The following PHGDH variants were observed in gnomAD, a reference collection of about 807,000 sequenced individuals.
The protein encoded by PHGDH is D-3-phosphoglycerate dehydrogenase.
A neutral mutation model predicts 52.6 loss-of-function variants in PHGDH; 50 were observed. The observed-to-expected ratio is 0.95, with a 90% CI of 0.76 to 1.20. The LOEUF (loss-of-function observed/expected upper bound fraction) is 1.20, where lower values mean the gene tolerates loss of function less well. Among genes scored for constraint, PHGDH ranks in the 50% most tolerant of loss-of-function variants. The probability of loss-of-function intolerance (pLI) is 0.00; values close to 1 mark genes in which losing one functional copy is unlikely to be tolerated. For missense variants in PHGDH, 630 were observed against 684.6 expected, an observed-to-expected ratio of 0.92 and a Z score of 0.89; for synonymous variants, 271 against 280.5, an observed-to-expected ratio of 0.97 and a Z score of 0.34.
intron 7 of PHGDH, among the ~76,000 whole-genome samples, chr1:119,735,657 C>G (rs1651899686): frequency 6.6e-6 from 1 of 152,220 alleles, no homozygotes; most frequent in Admixed American, 6.5e-5. Context: ...TGGTTTTCTG[C>G]AAAACTCGGG....
At chr1:119,722,080 G>A (rs1349024600) in intron 2 of PHGDH, among the ~76,000 whole-genome samples, 1 of 152,152 alleles carries the variant, frequency 6.6e-6, no homozygotes, top group Non-Finnish European at 1.5e-5. Flanking sequence ...CCCCCTGTAG[G>A]GTAGAGGTTA....
Position 119,744,191 on chromosome 1 carries a change from C to G in PHGDH, c.*151C>G, listed in dbSNP as rs112584109. ...TCTGACCCTGTAGTACAGCAATAAC[C>G]GTCTAATAAAGAGCCTACCCCCAAC... On this transcript the variant is annotated 3_prime_UTR_variant, in exon 12 of 12. Transcript: ENST00000641023. The G allele has an allele frequency of 1.1e-3, 798 of 747,100 alleles. 5 individuals carry two copies. The African/African-American group carries it at 0.012, about 11-fold the overall frequency. 46.3% of individuals were successfully genotyped at this position (747,100 alleles called of 1,614,324 possible).
At position 119,721,193 on chromosome 1, in the gene PHGDH, C is replaced by G; in HGVS notation, c.162C>G (p.Arg54=). The change falls in exon 2 of 12, where the codon CGC becomes CGG. Residue 54 remains arginine, a synonymous_variant. Coordinates refer to ENST00000641023, the MANE Select transcript of PHGDH (RefSeq NM_006623.4). ...ELQDCEGLIV[R]SATKVTADVI... ...AGGACTGTGAAGGCCTTATTGTTCGCTCTGCCACCAAGGTGACCGCTGATG... is the reference window on the plus strand; with the variant it reads ...AGGACTGTGAAGGCCTTATTGTTCGGTCTGCCACCAAGGTGACCGCTGATG... 1 of 1,614,178 alleles carries G rather than the reference C, an allele frequency of 6.2e-7. No homozygotes were observed.
intron 1 of PHGDH, chr1:119,719,781 C>G (rs975139432): frequency 1.3e-5 from 2 of 152,254 alleles, no homozygotes; most frequent in Non-Finnish European, 2.9e-5. Flanking sequence ...TAGAAGCCAA[C>G]TTCTCATGAC....
At chr1:119,720,999 C>G (rs974857991) in intron 1 of PHGDH, 171 bp from the exon 2 acceptor site, 3 of 714,638 alleles carry the variant, frequency 4.2e-6, no homozygotes, top group Admixed American at 4.0e-5. Flanking sequence ...TGAGTCCTAG[C>G]CCACATTTCC....
intron 5 of PHGDH, among the ~76,000 whole-genome samples, chr1:119,733,086 G>A (rs587742989): frequency 1.4e-4 from 21 of 152,298 alleles, no homozygotes; most frequent in South Asian, 1.2e-3. Flanking sequence ...GGTTACAGCC[G>A]AGGGGAGCAG....
intron 1 of PHGDH, chr1:119,720,824 C>A (rs1651114563): frequency 2.7e-6 from 1 of 370,122 alleles, no homozygotes; most frequent in Non-Finnish European, 5.2e-6. Context: ...TGACTTCCAG[C>A]ATGTGTCTGA....
At chr1:119,721,077 C>A in intron 1 of PHGDH, 93 bp from the exon 2 acceptor site, 2 of 1,182,640 alleles carry the variant, frequency 1.7e-6, no homozygotes, top group African/African-American at 1.5e-5. Context: ...TCCGGAAATG[C>A]ATCTCTTACT....
intron 1 of PHGDH, among the ~76,000 whole-genome samples, chr1:119,716,081 A>T (rs1650921097): frequency 6.6e-6 from 1 of 152,132 alleles, no homozygotes; most frequent in Non-Finnish European, 1.5e-5. Context: ...GGTTGGATTC[A>T]GGCTGTCTGT....
At position 119,727,059 on chromosome 1, in the gene PHGDH, T is replaced by A. The variant is rs777418115; in HGVS notation, c.467T>A (p.Ile156Asn). ...KTLGILGLGRIGREVATRMQS... is the reference protein window; with the variant it reads ...KTLGILGLGRNGREVATRMQS... Reference sequence around the variant, plus strand: ...CTGGGAATTCTTGGCCTGGGCAGGATTGGGAGAGAGGTAGCTACCCGGATG... The same window carrying A: ...CTGGGAATTCTTGGCCTGGGCAGGAATGGGAGAGAGGTAGCTACCCGGATG... Residue 156 changes from isoleucine (I) to asparagine (N), a missense_variant, in exon 5 of 12, where the codon ATT becomes AAT. Ile to Asn is a moderately radical substitution (Grantham distance 149). Coordinates refer to ENST00000641023, the MANE Select transcript of PHGDH (RefSeq NM_006623.4). 1 of 1,613,264 alleles carries A rather than the reference T, an allele frequency of 6.2e-7. No homozygotes were observed. The highest frequency in any genetic ancestry group is 8.5e-7 in the Non-Finnish European group (1 of 1,179,200).
intron 2 of PHGDH, among the ~76,000 whole-genome samples, chr1:119,721,918 A>G (rs1651185492): frequency 6.6e-6 from 1 of 152,232 alleles, no homozygotes; most frequent in East Asian, 1.9e-4. Flanking sequence ...ACAGGGGCAG[A>G]GGTCATCAGC....
At chr1:119,739,695 C>T (rs949498215) in intron 8 of PHGDH, 3 of 152,254 alleles carry the variant, frequency 2.0e-5, no homozygotes, top group African/African-American at 7.2e-5. Flanking sequence ...AACTCAGAAC[C>T]AGAGCATTTT....
intron 5 of PHGDH, among the ~76,000 whole-genome samples, chr1:119,730,837 T>C (rs1651659486): frequency 6.6e-6 from 1 of 152,156 alleles, no homozygotes; most frequent in African/African-American, 2.4e-5. Flanking sequence ...GGAGATAGTA[T>C]GCAATAGTGC....
chr1:119,743,439 G>T (rs960087641), intron 11 of PHGDH, among the ~76,000 whole-genome samples: 1 of 152,196 alleles, frequency 6.6e-6, no homozygotes, highest in Non-Finnish European at 1.5e-5. Flanking sequence ...CAGCCCAGCT[G>T]CAGCAAAACC....
At position 119,736,082 on chromosome 1, in the gene PHGDH, G is replaced by A. The variant is rs78269884; in HGVS notation, c.792+639G>A. Among the ~76,000 whole-genome samples, 1,197 of 152,350 alleles carry A rather than the reference G, an allele frequency of 7.9e-3. 14 individuals carry two copies. The highest frequency in any genetic ancestry group is 0.074 in the East Asian group (382 of 5,184). ...GCTTCCCCTGGTGAGGAAGGGGAAA[G>A]GACATGGACTTTGGATTAGGTAGTT... On this transcript the variant is annotated intron_variant, in intron 7 of 11. Transcript: ENST00000641023.
At chr1:119,721,880 T>C (rs1472226430) in intron 2 of PHGDH, among the ~76,000 whole-genome samples, 1 of 152,126 alleles carries the variant, frequency 6.6e-6, no homozygotes. Context: ...AGGAGAAGGG[T>C]CCCATTTAAA....
chr1:119,716,484 C>T (rs1022603744), intron 1 of PHGDH, among the ~76,000 whole-genome samples: 3 of 152,068 alleles, frequency 2.0e-5, no homozygotes, highest in African/African-American at 7.2e-5. Flanking sequence ...CTGTGGGGAG[C>T]AGGTTTGCAA....
chr1:119,723,377 A>G lies in PHGDH; in HGVS notation c.292A>G (p.Thr98Ala). Residue 98 changes from threonine (T) to alanine (A), a missense_variant and splice_region_variant, in exon 3 of 12, where the codon ACC (threonine) becomes GCC (alanine). By Grantham distance (58) the Thr-to-Ala change is moderately conservative. Transcript: ENST00000641023. ...ATRKGILVMN[T>A]PNGNSLSAAE... Reference sequence around the variant, plus strand: ...GTCCCCCTTTTCTTTGATCTTTAGCACCCCCAATGGGAACAGCCTCAGTGC... The same window carrying G: ...GTCCCCCTTTTCTTTGATCTTTAGCGCCCCCAATGGGAACAGCCTCAGTGC... The G allele has an allele frequency of 6.2e-7, 1 of 1,612,170 alleles. No individual in the cohort carries two copies. The highest frequency in any genetic ancestry group is 8.5e-7 in the Non-Finnish European group (1 of 1,178,664).
At chr1:119,725,966 T>A (rs964575213) in intron 3 of PHGDH, among the ~76,000 whole-genome samples, 1 of 50,606 alleles carries the variant, frequency 2.0e-5, no homozygotes, top group East Asian at 9.7e-4. Context: ...ACATTTCTTT[T>A]AGGATGTCTA....
Sources: allele counts gnomAD v4.1 joint callset (sites outside exome capture counted in the v4.1 genomes callset), GRCh38; gene constraint gnomAD v4.1.1; transcripts MANE v1.5; gene names NCBI Gene and HGNC (gene_info 2026-07-23, HGNC 2026-07-21).